Variants in ATR observed in about 807,000 individuals in gnomAD.
ATR encodes the protein ATR checkpoint kinase, also known as serine/threonine-protein kinase ATR.
A neutral mutation model predicts 305.3 loss-of-function variants in ATR; 142 were observed. The ratio of observed to expected loss-of-function variants is 0.47; its 90% CI spans 0.41 to 0.53. ATR has a LOEUF of 0.53. ATR is among the 20% of genes least tolerant of loss of function. The probability of loss-of-function intolerance (pLI) is 0.00; values close to 1 mark genes in which losing one functional copy is unlikely to be tolerated. For synonymous variants in ATR, 1,050 were observed against 1,068.1 expected (o/e 0.98, Z 0.33); for missense variants, 2,135 against 3,133.1 (o/e 0.68, Z 7.60).
chr3:142,493,010 A>G lies in ATR; in HGVS notation c.6078+122T>C, dbSNP rs1173978902. ...ATTTTGTGATAATCCATATACTTAT[A>G]TACTCACTGAAAAGTCAAAAAAATT... is the stretch of plus-strand genomic sequence containing the variant. On this transcript the variant is annotated intron_variant, in intron 35 of 46. Coordinates refer to ENST00000350721, the MANE Select transcript of ATR (RefSeq NM_001184.4). The G allele has an allele frequency of 6.7e-6, 6 of 897,072 alleles. No individual in the cohort carries two copies. In the Admixed American group the frequency reaches 1.1e-4, roughly 16 times the overall value. 55.6% of individuals were successfully genotyped at this position (897,072 alleles called of 1,614,324 possible).
intron 35 of ATR, among the ~76,000 whole-genome samples, chr3:142,489,086 A>G (rs527668800): frequency 7.9e-5 from 12 of 152,164 alleles, no homozygotes; most frequent in Non-Finnish European, 1.2e-4. Context: ...CTATAATCCC[A>G]GCACTTTGGG....
chr3:142,502,568 G>A (rs986854862), intron 30 of ATR, among the ~76,000 whole-genome samples: 3 of 151,942 alleles, frequency 2.0e-5, no homozygotes, highest in African/African-American at 7.3e-5. Flanking sequence ...TCAGTATCAC[G>A]TAATATGCCC....
At chr3:142,494,783 G>A (rs2031487577) in intron 34 of ATR, among the ~76,000 whole-genome samples, 1 of 152,176 alleles carries the variant, frequency 6.6e-6, no homozygotes, top group Non-Finnish European at 1.5e-5. Context: ...AATCCTAAAG[G>A]TATGAAGAAT....
At chr3:142,464,509 T>C (rs1405294225) in intron 41 of ATR, among the ~76,000 whole-genome samples, 3 of 152,090 alleles carry the variant, frequency 2.0e-5, no homozygotes, top group South Asian at 2.1e-4. Context: ...AATAGATAAA[T>C]AAAATGTGGA....
Position 142,563,014 on chromosome 3 carries a change from A to G in ATR, c.388T>C (p.Leu130=). 1.3e-6 allele frequency: 2 copies of G among 1,598,778 alleles called. No homozygotes were observed. Among genetic ancestry groups the G allele is most frequent in the Non-Finnish European group, 1.7e-6 (2 of 1,175,424 alleles). Residue 130 remains leucine, a synonymous_variant, in exon 4 of 47, where the codon TTA becomes CTA. Coordinates refer to ENST00000350721, the MANE Select transcript of ATR (RefSeq NM_001184.4). ...CTCTTGCTTTTAAAAAGAAATAATA[A>G]TGAACAGATGACTTCACAGATTTTC... ...HKKICEVICS[L]LFLFKSKSPA... is the part of the protein sequence containing the mutation.
Position 142,562,380 on chromosome 3 carries a change from AAATC to A in ATR, c.1018_1021del (p.Asp340CysfsTer2). On this transcript the variant is annotated frameshift_variant, in exon 4 of 47. Coordinates refer to ENST00000350721, the MANE Select transcript of ATR (RefSeq NM_001184.4). LOFTEE classifies it high-confidence loss of function. Reference sequence around the variant, plus strand: ...TAAATGGCACAAAGCTGCTTTTAGCAAATCAGACTTAAGCCGCATGAGCACACCG... The same window carrying A: ...TAAATGGCACAAAGCTGCTTTTAGCAAGACTTAAGCCGCATGAGCACACCG... The A allele has an allele frequency of 1.9e-6, 3 of 1,614,170 alleles. No homozygotes were observed. Among genetic ancestry groups the A allele is most frequent in the Non-Finnish European group, 2.5e-6 (3 of 1,180,008 alleles).
At chr3:142,534,221 T>G (rs570624080) in intron 21 of ATR, among the ~76,000 whole-genome samples, 2 of 152,252 alleles carry the variant, frequency 1.3e-5, no homozygotes, top group South Asian at 2.1e-4. Context: ...GAATAGAGGC[T>G]GTAACGTTGA....
At position 142,513,617 on chromosome 3, in the gene ATR, T is replaced by C. The variant is rs750473401; in HGVS notation, c.4525A>G (p.Lys1509Glu). ...ITKVRHDLASKIFTCCSIMMK... is the reference protein window; with the variant it reads ...ITKVRHDLASEIFTCCSIMMK... ...ATAATGCTACAGCAGGTGAAAATTTTACTGGCAAGATCATGTCGAACCTGT... is the reference window on the plus strand; with the variant it reads ...ATAATGCTACAGCAGGTGAAAATTTCACTGGCAAGATCATGTCGAACCTGT... The change falls in exon 26 of 47, where the codon AAA (lysine) becomes GAA (glutamate). Residue 1509 changes from lysine (K) to glutamate (E), a missense_variant. By Grantham distance (56) the Lys-to-Glu change is moderately conservative. Transcript: ENST00000350721. The C allele has an allele frequency of 6.2e-7, 1 of 1,613,768 alleles. No individual in the cohort carries two copies. The highest frequency in any genetic ancestry group is 8.5e-7 in the Non-Finnish European group (1 of 1,179,800).
At chr3:142,488,875 T>A (rs2108318245) in intron 35 of ATR, among the ~76,000 whole-genome samples, 1 of 152,338 alleles carries the variant, frequency 6.6e-6, no homozygotes, top group South Asian at 2.1e-4. Flanking sequence ...ATAATTATAT[T>A]ATTGAGTCTT....
At chr3:142,519,642 G>A in intron 24 of ATR, 27 bp downstream of exon 24, 1 of 1,559,714 alleles carries the variant, frequency 6.4e-7, no homozygotes, top group Non-Finnish European at 8.8e-7. Flanking sequence ...ACAATTTTAT[G>A]AAAATACATT....
At chr3:142,572,672 G>T (rs1158063260) in intron 1 of ATR, among the ~76,000 whole-genome samples, 1 of 152,000 alleles carries the variant, frequency 6.6e-6, no homozygotes, top group Admixed American at 6.5e-5. Flanking sequence ...CTACTCAGGA[G>T]GCTGAGGTGG....
intron 41 of ATR, among the ~76,000 whole-genome samples, chr3:142,463,302 A>T (rs1437289366): frequency 2.0e-5 from 3 of 152,242 alleles, no homozygotes; most frequent in Non-Finnish European, 4.4e-5. Context: ...ATACTCAAGT[A>T]AATCTGATAC....
In ATR at chr3:142,457,645, A is replaced by G; in HGVS notation, c.7614T>C (p.Val2538=). Residue 2538 remains valine, a synonymous_variant, in exon 45 of 47, where the codon GTT becomes GTC. Coordinates refer to ENST00000350721, the MANE Select transcript of ATR (RefSeq NM_001184.4). ...GCTGATCACGCATCAGCCTCATTGT[A>G]ACTTCACATGCTCTTCGAAAAAGAC... is the stretch of plus-strand genomic sequence containing the variant. ...TEGLFRRACE[V]TMRLMRDQRE... 6.2e-7 allele frequency: 1 copy of G among 1,614,084 alleles called. No homozygotes were observed. Among genetic ancestry groups the G allele is most frequent in the South Asian group, 1.1e-5 (1 of 91,076 alleles).
chr3:142,501,636 A>G (rs768738728), intron 30 of ATR, among the ~76,000 whole-genome samples: 2 of 152,258 alleles, frequency 1.3e-5, no homozygotes, highest in Admixed American at 6.5e-5. Flanking sequence ...AAAAGAAGAC[A>G]TACAAGCAGC....
chr3:142,517,970 A>G (rs2108384959), intron 24 of ATR, among the ~76,000 whole-genome samples: 1 of 152,330 alleles, frequency 6.6e-6, no homozygotes, highest in Admixed American at 6.5e-5. Context: ...AAAATTATCC[A>G]TGTTTTCAAA....
chr3:142,543,654 CT>C (rs1207244015), intron 16 of ATR, among the ~76,000 whole-genome samples: 1 of 150,512 alleles, frequency 6.6e-6, no homozygotes, highest in African/African-American at 2.4e-5. Flanking sequence ...TCCTTTCTCT[CT>C]CTTTTTTCTT....
intron 30 of ATR, among the ~76,000 whole-genome samples, chr3:142,502,320 G>A (rs978354518): frequency 6.6e-6 from 1 of 152,134 alleles, no homozygotes; most frequent in African/African-American, 2.4e-5. Flanking sequence ...CAACCTAAGT[G>A]CCCATCAATG....
At chr3:142,474,733 A>T (rs1169311010) in intron 36 of ATR, among the ~76,000 whole-genome samples, 1 of 152,090 alleles carries the variant, frequency 6.6e-6, no homozygotes, top group African/African-American at 2.4e-5. Context: ...TCTCTTCTCG[A>T]ATTGCTATGG....
intron 21 of ATR, among the ~76,000 whole-genome samples, chr3:142,526,469 T>C (rs556276139): frequency 1.3e-5 from 2 of 151,976 alleles, no homozygotes; most frequent in East Asian, 1.9e-4. Flanking sequence ...TTGCTTTCAG[T>C]GGGAATGTTT....
Sources: gnomAD v4.1 joint callset for allele counts (sites outside exome capture counted in the v4.1 genomes callset) on GRCh38, gnomAD v4.1.1 for gene constraint, MANE v1.5 for transcripts, NCBI Gene and HGNC (gene_info 2026-07-23, HGNC 2026-07-21) for gene names.